The following LMBR1L variants were observed in gnomAD, a reference collection of about 807,000 sequenced individuals.
The protein encoded by LMBR1L is limb development membrane protein 1 like.
A neutral mutation model predicts 67.3 loss-of-function variants in LMBR1L; 47 were observed. The observed-to-expected ratio is 0.70, with a 90% confidence interval of 0.55 to 0.89. The LOEUF is 0.89. Among genes scored for constraint, LMBR1L ranks in the 40% least tolerant of loss-of-function variants. LMBR1L has a pLI of 0.00. For synonymous variants in LMBR1L, 247 were observed against 250.3 expected, an observed-to-expected ratio of 0.99 and a Z score of 0.13; for missense variants, 533 against 599.2, an observed-to-expected ratio of 0.89 and a Z score of 1.15.
Position 49,104,787 on chromosome 12 carries a change from C to T in LMBR1L, c.290G>A (p.Arg97Gln), listed in dbSNP as rs1368599454. Residue 97 changes from arginine (R) to glutamine (Q), a missense_variant, in exon 4 of 17, where the codon CGG (arginine) becomes CAG (glutamine). Arg to Gln is a conservative substitution (Grantham distance 43). Transcript: ENST00000267102. ...GTTGAGCCACTGGATGTAGTAGTTC[C>T]GAGGCAGGGAGAGCAGCACCTCATT... ...ISNEVLLSLP[R>Q]NYYIQWLNGS... The T allele has an allele frequency of 1.3e-5, 21 of 1,613,552 alleles. No individual in the cohort carries two copies. Among genetic ancestry groups the T allele is most frequent in the Middle Eastern group, 1.6e-4 (1 of 6,070 alleles).
In LMBR1L at chr12:49,110,726, C is replaced by A. The variant is rs936469972; in HGVS notation, c.-171G>T. The A allele has an allele frequency of 3.2e-6, 2 of 624,578 alleles. No homozygotes were observed. Among genetic ancestry groups the A allele is most frequent in the Non-Finnish European group, 5.7e-6 (2 of 348,016 alleles). 38.7% of individuals were successfully genotyped at this position (624,578 alleles called of 1,614,324 possible). A position where few individuals can be genotyped will look rare whatever the true frequency, so the allele number is the denominator to read the frequency against. The stretch of plus-strand genomic sequence containing the variant: ...AGATACAGTCGTCCGGACGCCCCGC[C>A]CTTAAAGGGGCAGGCACCACCCGCC... On this transcript the variant is annotated 5_prime_UTR_variant, in exon 1 of 17. Transcript: ENST00000267102.
At position 49,104,525 on chromosome 12, in the gene LMBR1L, A is replaced by T. The variant is rs1330248545; in HGVS notation, c.358T>A (p.Ser120Thr). Residue 120 changes from serine to threonine, a missense_variant, in exon 5 of 17, where the codon TCC becomes ACC. Ser to Thr is a moderately conservative substitution (Grantham distance 58). This residue lies in a region of LMBR1L where 246 missense variants were observed against 249.0 expected (regional missense o/e 0.99). Coordinates refer to ENST00000267102, the MANE Select transcript of LMBR1L (RefSeq NM_018113.4). The stretch of plus-strand genomic sequence containing the variant: ...ATGAGGAAGATGAGGGACAGGTTGG[A>T]GAAGAGAAAAACAAGGTTCCAGAGG... ...HGLWNLVFLF[S>T]NLSLIFLMPF... 1 of 1,614,116 alleles carries T rather than the reference A, an allele frequency of 6.2e-7. No homozygotes were observed. Among genetic ancestry groups the T allele is most frequent in the Admixed American group, 1.7e-5 (1 of 60,024 alleles).
rs1940201081 is a variant in LMBR1L, at chr12:49,101,622, A to T, written c.931-73T>A. ...GACCCAGAGCTAAAGGAATGGGCAG[A>T]CTCTGGTCCAACATTTTCAGTTTCC... On this transcript the variant is annotated intron_variant, in intron 11 of 16. Coordinates refer to ENST00000267102, the MANE Select transcript of LMBR1L (RefSeq NM_018113.4). The T allele has an allele frequency of 3.7e-6, 4 of 1,081,596 alleles. No individual in the cohort carries two copies. The South Asian group carries it at 5.6e-5, about 15-fold the overall frequency. 67.0% of individuals were successfully genotyped at this position (1,081,596 alleles called of 1,614,324 possible).
chr12:49,097,886 C>G, intron 16 of LMBR1L, 58 bp downstream of exon 16: 2 of 1,591,422 alleles, frequency 1.3e-6, no homozygotes, highest in Non-Finnish European at 1.7e-6. Flanking sequence ...GATCCATGTT[C>G]CAGAGTGTCC....
At chr12:49,106,123 C>T in intron 2 of LMBR1L, 166 bp from the exon 3 acceptor site, 1 of 595,724 alleles carries the variant, frequency 1.7e-6, no homozygotes, top group Non-Finnish European at 3.0e-6. Context: ...ATAGCCTGTT[C>T]TCCAGCCAAG....
At position 49,101,315 on chromosome 12, in the gene LMBR1L, G is replaced by A; in HGVS notation, c.1017C>T (p.Ser339=). ...AAMPRGMQGT[S]LGQVSFSKLG... ...GCTTGGAGAAGGAGACCTGGCCTAA[G>A]GAGGTACCCTGAGGAGTGGGGCAGT... The change falls in exon 13 of 17, where the codon TCC becomes TCT. Residue 339 remains serine, a synonymous_variant. Transcript: ENST00000267102. The A allele has an allele frequency of 6.2e-7, 1 of 1,614,178 alleles. No homozygotes were observed. Among genetic ancestry groups the A allele is most frequent in the African/African-American group, 1.3e-5 (1 of 75,040 alleles).
intron 1 of LMBR1L, among the ~76,000 whole-genome samples, chr12:49,108,838 A>C (rs961160604): frequency 3.3e-5 from 5 of 152,216 alleles, no homozygotes; most frequent in African/African-American, 9.6e-5. Flanking sequence ...TGGGTCTTCC[A>C]GTCTCCAGAA....
intron 15 of LMBR1L, among the ~76,000 whole-genome samples, chr12:49,099,994 G>T (rs147012164): frequency 5.3e-5 from 8 of 152,336 alleles, no homozygotes; most frequent in African/African-American, 1.7e-4. Context: ...TGGGGTTCAG[G>T]AGACAAGGGT....
chr12:49,104,975 G>C, intron 3 of LMBR1L, 90 bp from the exon 4 acceptor site: 1 of 1,411,988 alleles, frequency 7.1e-7, no homozygotes, highest in Non-Finnish European at 9.6e-7. Context: ...GGCGCCTGTG[G>C]CTTCCAGAAC....
At chr12:49,100,861 G>A (rs914151517) in intron 13 of LMBR1L, 42 of 579,904 alleles carry the variant, frequency 7.2e-5, no homozygotes, top group Middle Eastern at 4.6e-4. Flanking sequence ...CCACGTAGCT[G>A]GGAATGCAAG....
intron 13 of LMBR1L, 134 bp downstream of exon 13, chr12:49,101,116 G>A: frequency 6.3e-7 from 1 of 1,576,618 alleles, no homozygotes; most frequent in Non-Finnish European, 8.6e-7. Context: ...ACCTGAGGTT[G>A]ATGAAAACTT....
chr12:49,102,493 C>T lies in LMBR1L; in HGVS notation c.744G>A (p.Glu248=), dbSNP rs778687267. The part of the protein sequence containing the change: ...EEQLYCSAFE[E]AALTRRICNP... Reference sequence around the variant, plus strand: ...TACAGATCCTGCGGGTCAGGGCTGCCTCCTCAAAGGCTGAGCAGTACAGCT... The same window carrying T: ...TACAGATCCTGCGGGTCAGGGCTGCTTCCTCAAAGGCTGAGCAGTACAGCT... Residue 248 remains glutamate, a synonymous_variant, in exon 9 of 17, where the codon GAG becomes GAA. Transcript: ENST00000267102. 1 of 1,614,192 alleles carries T rather than the reference C, an allele frequency of 6.2e-7. No homozygotes were observed. The highest frequency in any genetic ancestry group is 8.5e-7 in the Non-Finnish European group (1 of 1,180,034).
At chr12:49,106,668 G>A in intron 2 of LMBR1L, 1 of 1,307,462 alleles carries the variant, frequency 7.6e-7, no homozygotes. Flanking sequence ...GGTTCACAAA[G>A]GGCTTTCACA....
Position 49,109,865 on chromosome 12 carries a change from G to A in LMBR1L, c.72+619C>T, listed in dbSNP as rs192042241. On this transcript the variant is annotated intron_variant, in intron 1 of 16. Coordinates refer to ENST00000267102, the MANE Select transcript of LMBR1L (RefSeq NM_018113.4). Reference sequence around the variant, plus strand: ...ACTGGGGAAACCCCGGAATGGCTGAGAGGCTGGGAACCCAGCCTTGCAGGG... The same window carrying A: ...ACTGGGGAAACCCCGGAATGGCTGAAAGGCTGGGAACCCAGCCTTGCAGGG... 3.3e-3 allele frequency: 1,358 copies of A among 408,396 alleles called. 8 individuals carry two copies. Among genetic ancestry groups the A allele is most frequent in the Non-Finnish European group, 4.9e-3 (1,010 of 204,630 alleles). The allele number at this position is 408,396 out of a possible 1,614,324, so 25.3% of individuals were successfully genotyped here.
intron 4 of LMBR1L, 49 bp from the exon 5 acceptor site, chr12:49,104,600 C>T: frequency 6.4e-7 from 1 of 1,570,128 alleles, no homozygotes; most frequent in Non-Finnish European, 8.8e-7. Flanking sequence ...GGAGGGGCAA[C>T]CCACAGGAGA....
intron 13 of LMBR1L, 71 bp from the exon 14 acceptor site, chr12:49,100,717 T>A: frequency 1.8e-6 from 2 of 1,088,412 alleles, no homozygotes; most frequent in Non-Finnish European, 2.7e-6. Context: ...AACAGAGCTC[T>A]CTCCCAGCCC....
intron 15 of LMBR1L, 90 bp downstream of exon 15, chr12:49,100,298 T>C: frequency 1.0e-6 from 1 of 985,282 alleles, no homozygotes. Context: ...GTTGTGGGAA[T>C]TAGAGAAATT....
In LMBR1L at chr12:49,101,291, C is replaced by CT; in HGVS notation, c.1040dup (p.Leu348AlafsTer26). ...GAATGACGGCACCAAAGGAGCCCAG[C>CT]TTGGAGAAGGAGACCTGGCCTAAGG... On this transcript the variant is annotated frameshift_variant, in exon 13 of 17. Coordinates refer to ENST00000267102, the MANE Select transcript of LMBR1L (RefSeq NM_018113.4). LOFTEE classifies it high-confidence loss of function. 1 of 1,614,164 alleles carries CT rather than the reference C, an allele frequency of 6.2e-7. No homozygotes were observed. The highest frequency in any genetic ancestry group is 8.5e-7 in the Non-Finnish European group (1 of 1,180,024).
At position 49,097,618 on chromosome 12, in the gene LMBR1L, C is replaced by A. The variant is rs1219347696; in HGVS notation, c.*54G>T. ...AAGTAGCCTTGGGCTTCCCTCCAGG[C>A]CTAGGCAGCAGATGGCAGTGTCCAG... On this transcript the variant is annotated 3_prime_UTR_variant, in exon 17 of 17. Coordinates refer to ENST00000267102, the MANE Select transcript of LMBR1L (RefSeq NM_018113.4). 3.2e-6 allele frequency: 5 copies of A among 1,580,118 alleles called. No homozygotes were observed. The highest frequency in any genetic ancestry group is 3.5e-6 in the Non-Finnish European group (4 of 1,152,030).
Sources: gnomAD v4.1 joint callset for allele counts (sites outside exome capture counted in the v4.1 genomes callset) on GRCh38, gnomAD v4.1.1 for gene constraint, gnomAD v4.1.1 regional missense constraint, MANE v1.5 for transcripts, NCBI Gene and HGNC (gene_info 2026-07-23, HGNC 2026-07-21) for gene names.